The following EDN3 variants were observed in gnomAD, a reference collection of about 807,000 sequenced individuals.
The protein encoded by EDN3 is endothelin-3.
A neutral mutation model predicts 21.4 loss-of-function variants in EDN3; 9 were observed. The ratio of observed to expected loss-of-function variants is 0.42; its 90% confidence interval spans 0.25 to 0.73. The LOEUF (loss-of-function observed/expected upper bound fraction) is 0.73, where lower values mean the gene tolerates loss of function less well. EDN3 is among the 30% of genes least tolerant of loss of function. EDN3 has a pLI of 0.26. For synonymous variants in EDN3, 133 were observed against 126.2 expected (o/e 1.05, Z -0.36); for missense variants, 327 against 309.4 (o/e 1.06, Z -0.43).
At chr20:59,319,068 G>A (rs934687702) in intron 2 of EDN3, among the ~76,000 whole-genome samples, 1 of 152,098 alleles carries the variant, frequency 6.6e-6, no homozygotes, top group Non-Finnish European at 1.5e-5. Flanking sequence ...GAAAAAACGG[G>A]CTTGAAGGAG....
chr20:59,308,821 G>A (rs1349122323), intron 2 of EDN3, among the ~76,000 whole-genome samples: 2 of 152,310 alleles, frequency 1.3e-5, no homozygotes, highest in South Asian at 2.1e-4. Context: ...GCTGGCTGGT[G>A]AGTAGAAAGT....
rs3026593 is a variant in EDN3, at chr20:59,314,368, A to G, written c.366-6649A>G. Among the ~76,000 whole-genome samples the G allele has an allele frequency of 1.8e-4, 27 of 152,238 alleles. No homozygotes were observed. In the East Asian group the frequency reaches 3.5e-3, roughly 20 times the overall value. On this transcript the variant is annotated intron_variant, in intron 2 of 4. Coordinates refer to ENST00000337938, the MANE Select transcript of EDN3 (RefSeq NM_207034.3). ...TGAGGTCCAGGATCAGCCAGAGTTC[A>G]CTGGTCACAAGCAACAGAAACCTAG...
intron 2 of EDN3, among the ~76,000 whole-genome samples, chr20:59,306,605 A>G (rs1304496762): frequency 1.3e-5 from 2 of 151,352 alleles, no homozygotes; most frequent in African/African-American, 4.8e-5. Context: ...TAAAAAAAAA[A>G]AAAAAAAAAA....
intron 2 of EDN3, among the ~76,000 whole-genome samples, chr20:59,317,705 G>A (rs1272301039): frequency 2.0e-5 from 3 of 152,176 alleles, no homozygotes; most frequent in South Asian, 2.1e-4. Flanking sequence ...TTGATACCAC[G>A]TATATAGTGG....
At chr20:59,320,950 C>T (rs1462640115) in intron 2 of EDN3, 67 bp from the exon 3 acceptor site, 3 of 1,585,606 alleles carry the variant, frequency 1.9e-6, no homozygotes, top group Non-Finnish European at 2.6e-6. Context: ...TCTCGCTCCA[C>T]ACCCTTGGGG....
chr20:59,301,607 G>A lies in EDN3; in HGVS notation c.250G>A (p.Ala84Thr), dbSNP rs1989037769. ...PSPGSPGQEQ[A>T]AEGAPEHHRS... ...CCCTGGAAGCCCTGGGCAGGAGCAG[G>A]CGGCCGAGGGGGCCCCTGAGCACCA... Residue 84 changes from alanine to threonine, a missense_variant, in exon 2 of 5, where the codon GCG (alanine) becomes ACG (threonine). By Grantham distance (58) the Ala-to-Thr change is moderately conservative (BLOSUM62 0). Coordinates refer to ENST00000337938, the MANE Select transcript of EDN3 (RefSeq NM_207034.3). 5.0e-6 allele frequency: 8 copies of A among 1,613,968 alleles called. No homozygotes were observed. Among genetic ancestry groups the A allele is most frequent in the East Asian group, 2.2e-5 (1 of 44,894 alleles).
At chr20:59,304,680 A>T (rs988090285) in intron 2 of EDN3, among the ~76,000 whole-genome samples, 1 of 152,132 alleles carries the variant, frequency 6.6e-6, no homozygotes, top group Non-Finnish European at 1.5e-5. Flanking sequence ...GGGAGTTACT[A>T]CCGAGACCCG....
Position 59,324,494 on chromosome 20 carries a change from C to T in EDN3, c.*35C>T. 6.2e-7 allele frequency: 1 copy of T among 1,613,738 alleles called. No individual in the cohort carries two copies. The highest frequency in any genetic ancestry group is 1.1e-5 in the South Asian group (1 of 91,076). ...CCTGCAGCATCCTGGTCTCGGGAGG[C>T]TTCTGTCATTGCTCACACACAGTTC... On this transcript the variant is annotated 3_prime_UTR_variant, in exon 5 of 5. Coordinates refer to ENST00000337938, the MANE Select transcript of EDN3 (RefSeq NM_207034.3).
intron 2 of EDN3, among the ~76,000 whole-genome samples, chr20:59,318,632 G>GT (rs1476925871): frequency 6.6e-6 from 1 of 152,234 alleles, no homozygotes; most frequent in East Asian, 1.9e-4. Context: ...CCTCAAGGCT[G>GT]TAGGGCAGGG....
At chr20:59,306,603 A>T (rs983634728) in intron 2 of EDN3, among the ~76,000 whole-genome samples, 2 of 112,540 alleles carry the variant, frequency 1.8e-5, no homozygotes, top group Admixed American at 1.8e-4. Flanking sequence ...AGTAAAAAAA[A>T]AAAAAAAAAA....
intron 2 of EDN3, among the ~76,000 whole-genome samples, chr20:59,319,661 G>A (rs1469471217): frequency 1.3e-5 from 2 of 151,458 alleles, no homozygotes; most frequent in South Asian, 2.1e-4. Flanking sequence ...GGGAGGCAGA[G>A]GTTGCAGTGA....
chr20:59,324,415 C>G lies in EDN3; in HGVS notation c.673C>G (p.Pro225Ala), dbSNP rs764620452. 20 of 1,614,188 alleles carry G rather than the reference C, an allele frequency of 1.2e-5. No homozygotes were observed. The highest frequency in any genetic ancestry group is 1.5e-5 in the Non-Finnish European group (18 of 1,180,042). ...GCCCGGCAGTGGACTCGCCCTCGCT[C>G]CATCTACCTGCCCCCGCTGCCTCTT... ...LMPGSGLALA[P>A]STCPRCLFQE... Residue 225 changes from proline to alanine, a missense_variant, in exon 5 of 5, where the codon CCA becomes GCA. Transcript: ENST00000337938.
At chr20:59,315,361 G>A (rs1171465733) in intron 2 of EDN3, among the ~76,000 whole-genome samples, 1 of 152,232 alleles carries the variant, frequency 6.6e-6, no homozygotes, top group Non-Finnish European at 1.5e-5. Flanking sequence ...ACAGAGCCAT[G>A]CTTTCTGTAC....
At chr20:59,320,958 G>A (rs1013577554) in intron 2 of EDN3, 59 bp from the exon 3 acceptor site, 7 of 1,602,914 alleles carry the variant, frequency 4.4e-6, no homozygotes, top group Non-Finnish European at 6.0e-6. Flanking sequence ...CACACCCTTG[G>A]GGGCCCCTGA....
In EDN3 at chr20:59,324,332, T is replaced by G. The variant is rs757499758; in HGVS notation, c.590T>G (p.Val197Gly). ...EKTDKEEEGK[V>G]EVKDQQSKQA... is the part of the protein sequence containing the mutation. ...TTTTGCCCCCTTTCCCCAAGACAGG[T>G]TGAAGTCAAGGACCAACAAAGCAAG... The change falls in exon 5 of 5, where the codon GTT (valine) becomes GGT (glycine). Residue 197 changes from valine to glycine, a missense_variant and splice_region_variant. Transcript: ENST00000337938. 3.7e-6 allele frequency: 6 copies of G among 1,614,054 alleles called. No individual in the cohort carries two copies. The highest frequency in any genetic ancestry group is 5.1e-6 in the Non-Finnish European group (6 of 1,179,988).
Position 59,324,359 on chromosome 20 carries a change from A to G in EDN3, c.617A>G (p.Gln206Arg), listed in dbSNP as rs1407885572. ...GAAGTCAAGGACCAACAAAGCAAGC[A>G]GGCTTTAGACCTCCACCATCCAAAG... Reference protein sequence around the residue: ...KVEVKDQQSKQALDLHHPKLM... With the variant: ...KVEVKDQQSKRALDLHHPKLM... Residue 206 changes from glutamine (Q) to arginine (R), a missense_variant, in exon 5 of 5, where the codon CAG (glutamine) becomes CGG (arginine). By Grantham distance (43) the Gln-to-Arg change is conservative (BLOSUM62 1). Coordinates refer to ENST00000337938, the MANE Select transcript of EDN3 (RefSeq NM_207034.3). The G allele has an allele frequency of 6.2e-7, 1 of 1,614,116 alleles. No homozygotes were observed. Among genetic ancestry groups the G allele is most frequent in the Non-Finnish European group, 8.5e-7 (1 of 1,180,010 alleles).
At chr20:59,301,184 T>C (rs1384903959) in intron 1 of EDN3, among the ~76,000 whole-genome samples, 1 of 152,238 alleles carries the variant, frequency 6.6e-6, no homozygotes, top group Non-Finnish European at 1.5e-5. Flanking sequence ...TGGCAAAGTT[T>C]GCAGAAAGTA....
chr20:59,311,552 A>T (rs149415878), intron 2 of EDN3, among the ~76,000 whole-genome samples: 29 of 151,916 alleles, frequency 1.9e-4, no homozygotes, highest in African/African-American at 7.0e-4. Context: ...CGCTGGTGGG[A>T]GTGTCTTTTA....
At chr20:59,313,567 A>G (rs1989975176) in intron 2 of EDN3, among the ~76,000 whole-genome samples, 1 of 152,212 alleles carries the variant, frequency 6.6e-6, no homozygotes, top group South Asian at 2.1e-4. Context: ...GGCAACAATT[A>G]ACCCACAGCA....
Sources: gnomAD v4.1 joint callset for allele counts (sites outside exome capture counted in the v4.1 genomes callset) on GRCh38, gnomAD v4.1.1 for gene constraint, MANE v1.5 for transcripts, NCBI Gene and HGNC (gene_info 2026-07-23, HGNC 2026-07-21) for gene names.